Variants in PPARGC1A observed in about 807,000 individuals in gnomAD.
The protein encoded by PPARGC1A is peroxisome proliferator-activated receptor gamma coactivator 1-alpha.
A neutral mutation model predicts 88.7 loss-of-function variants in PPARGC1A; 25 were observed. The ratio of observed to expected loss-of-function variants is 0.28; its 90% confidence interval spans 0.21 to 0.39. The LOEUF (loss-of-function observed/expected upper bound fraction) is 0.39, where lower values mean the gene tolerates loss of function less well. Ranked by LOEUF, PPARGC1A falls within the 10% of genes least tolerant of loss-of-function variation. The pLI is 1.00. For synonymous variants in PPARGC1A, 363 were observed against 355.6 expected, an observed-to-expected ratio of 1.02 and a Z score of -0.24; for missense variants, 880 against 968.7, an observed-to-expected ratio of 0.91 and a Z score of 1.22.
the PPARGC1A span, among the ~76,000 whole-genome samples, chr4:24,317,578 A>C: frequency 1.4e-5 from 2 of 141,124 alleles, no homozygotes; most frequent in Admixed American, 7.0e-5. Flanking sequence ...AAAAAAAAAA[A>C]AAAAAAAAAA....
chr4:23,945,342 G>T, the PPARGC1A span, among the ~76,000 whole-genome samples: 1 of 152,044 alleles, frequency 6.6e-6, no homozygotes, highest in Non-Finnish European at 1.5e-5. Flanking sequence ...AAACATGCAT[G>T]CATATACACC....
chr4:24,137,132 A>AT, the PPARGC1A span, among the ~76,000 whole-genome samples: 1 of 149,164 alleles, frequency 6.7e-6, no homozygotes, highest in African/African-American at 2.5e-5. Context: ...AAAAAAAAAA[A>AT]GTAATTAAGA....
chr4:24,044,799 C>T, the PPARGC1A span, among the ~76,000 whole-genome samples: 3 of 152,174 alleles, frequency 2.0e-5, no homozygotes, highest in Non-Finnish European at 4.4e-5. Flanking sequence ...AGCTGGCAGG[C>T]CACTTAGGCA....
chr4:24,300,312 C>A, the PPARGC1A span, among the ~76,000 whole-genome samples: 13 of 45,110 alleles, frequency 2.9e-4, no homozygotes, highest in East Asian at 1.4e-3. Flanking sequence ...TGGTATTTTT[C>A]TATACAATAG....
At chr4:24,019,906 A>T in the PPARGC1A span, among the ~76,000 whole-genome samples, 1 of 152,200 alleles carries the variant, frequency 6.6e-6, no homozygotes, top group Non-Finnish European at 1.5e-5. Flanking sequence ...TGCTGTAAGG[A>T]TCATGCTCCA....
At chr4:24,276,748 T>A in the PPARGC1A span, among the ~76,000 whole-genome samples, 1 of 152,202 alleles carries the variant, frequency 6.6e-6, no homozygotes, top group Non-Finnish European at 1.5e-5. Context: ...TAAGTCCTCT[T>A]ATCAGATGAT....
At chr4:24,441,505 A>T in the PPARGC1A span, among the ~76,000 whole-genome samples, 160 of 152,268 alleles carry the variant, frequency 1.1e-3, 1 homozygote, top group Middle Eastern at 6.8e-3. Context: ...AGTAGGGAAG[A>T]GGTACCACCC....
chr4:24,299,553 G>A, the PPARGC1A span, among the ~76,000 whole-genome samples: 68 of 152,238 alleles, frequency 4.5e-4, no homozygotes, highest in African/African-American at 1.5e-3. Context: ...TGGGATTAAA[G>A]AGCTAGCTCA....
chr4:24,065,249 G>C, the PPARGC1A span, among the ~76,000 whole-genome samples: 4 of 152,100 alleles, frequency 2.6e-5, no homozygotes, highest in African/African-American at 9.7e-5. Flanking sequence ...CCAAGCAGGA[G>C]ACCTGCTTGG....
chr4:24,118,368 G>A, the PPARGC1A span, among the ~76,000 whole-genome samples: 3 of 152,068 alleles, frequency 2.0e-5, no homozygotes, highest in Non-Finnish European at 4.4e-5. Context: ...AAACCCAAAC[G>A]TTAGAAGGTG....
At chr4:24,007,415 T>C in the PPARGC1A span, among the ~76,000 whole-genome samples, 4 of 152,230 alleles carry the variant, frequency 2.6e-5, no homozygotes, top group South Asian at 6.2e-4. Flanking sequence ...AATATATTGA[T>C]TGAACAGCAC....
chr4:23,812,386 G>A (rs1046619671), intron 10 of PPARGC1A, among the ~76,000 whole-genome samples: 1 of 152,028 alleles, frequency 6.6e-6, no homozygotes, highest in South Asian at 2.1e-4. Flanking sequence ...CTCATTTTCC[G>A]CTCAAAGAGA....
the PPARGC1A span, among the ~76,000 whole-genome samples, chr4:24,413,340 A>T: frequency 5.3e-5 from 8 of 151,792 alleles, no homozygotes; most frequent in Non-Finnish European, 1.2e-4. Context: ...ACAAGACTAC[A>T]GCCAAACACG....
At chr4:24,049,322 ATGTGTGTGTGTG>A in the PPARGC1A span, among the ~76,000 whole-genome samples, 3 of 141,968 alleles carry the variant, frequency 2.1e-5, no homozygotes, top group South Asian at 2.2e-4. Context: ...ATATATATAT[ATGTGTGTGTGTG>A]TATATATATA....
the PPARGC1A span, among the ~76,000 whole-genome samples, chr4:24,359,066 G>A: frequency 6.6e-6 from 1 of 152,158 alleles, no homozygotes; most frequent in Non-Finnish European, 1.5e-5. Context: ...TTTATTTATG[G>A]TTTAAAACTT....
chr4:24,251,557 T>G, the PPARGC1A span, among the ~76,000 whole-genome samples: 1 of 152,298 alleles, frequency 6.6e-6, no homozygotes, highest in East Asian at 1.9e-4. Context: ...TATCTGAAGG[T>G]CCTTCTTAAA....
At chr4:24,020,829 C>A in the PPARGC1A span, among the ~76,000 whole-genome samples, 4 of 152,180 alleles carry the variant, frequency 2.6e-5, no homozygotes, top group African/African-American at 9.7e-5. Context: ...CCACGGTGAG[C>A]ATCAGTACTT....
chr4:24,128,831 A>G, the PPARGC1A span, among the ~76,000 whole-genome samples: 200 of 152,286 alleles, frequency 1.3e-3, 1 homozygote, highest in African/African-American at 4.7e-3. Context: ...CTTCTCATCC[A>G]TAATTGGAGG....
chr4:24,188,663 G>A, the PPARGC1A span, among the ~76,000 whole-genome samples: 1 of 152,122 alleles, frequency 6.6e-6, no homozygotes, highest in African/African-American at 2.4e-5. Context: ...TGGAGAGGAT[G>A]TAGAGAAACT....
Sources: allele counts gnomAD v4.1 joint callset (sites outside exome capture counted in the v4.1 genomes callset), GRCh38; gene constraint gnomAD v4.1.1; transcripts MANE v1.5; gene names NCBI Gene and HGNC (gene_info 2026-07-23, HGNC 2026-07-21).